GAS2L3: variants seen among roughly 807,000 people sequenced by gnomAD.
The protein encoded by GAS2L3 is growth arrest specific 2 like 3.
A neutral mutation model predicts 37.0 loss-of-function variants in GAS2L3; 28 were observed. The ratio of observed to expected loss-of-function variants is 0.76; its 90% CI spans 0.56 to 1.04. GAS2L3 has a LOEUF of 1.04. GAS2L3 is among the 50% of genes least tolerant of loss of function. The pLI is 0.00. For synonymous variants in GAS2L3, 290 were observed against 296.6 expected (o/e 0.98, Z 0.23); for missense variants, 793 against 817.6 (o/e 0.97, Z 0.37).
At chr12:100,576,245 T>C (rs1251845607) in intron 1 of GAS2L3, among the ~76,000 whole-genome samples, 1 of 152,194 alleles carries the variant, frequency 6.6e-6, no homozygotes, top group East Asian at 1.9e-4. Flanking sequence ...ATGTTTTTAC[T>C]AAGCTACTCT....
chr12:100,620,218 G>A (rs1011686193), intron 8 of GAS2L3, among the ~76,000 whole-genome samples: 1 of 151,910 alleles, frequency 6.6e-6, no homozygotes, highest in Admixed American at 6.6e-5. Context: ...GGCAAATTAG[G>A]ATTCATAATC....
Position 100,622,293 on chromosome 12 carries a change from G to A in GAS2L3, c.667G>A (p.Asp223Asn), listed in dbSNP as rs117065230. 2,143 of 1,592,898 alleles carry A rather than the reference G, an allele frequency of 1.3e-3. 10 individuals carry two copies. The highest frequency in any genetic ancestry group is 1.3e-3 in the Non-Finnish European group (1,542 of 1,162,570). ...LHEAVKHIAE[D>N]PPCSCSHRFS... is the part of the protein sequence containing the mutation. ...ATCTTAGGTTAAACATATTGCTGAG[G>A]ACCCTCCTTGTAGTTGTTCTCATCG... The change falls in exon 9 of 10, where the codon GAC (aspartate) becomes AAC (asparagine). Residue 223 changes from aspartate to asparagine, a missense_variant. Physicochemically the swap from Asp to Asn is conservative, Grantham distance 23. Coordinates refer to ENST00000547754, the MANE Select transcript of GAS2L3 (RefSeq NM_174942.3).
chr12:100,608,581 G>A (rs1956086621), intron 5 of GAS2L3, among the ~76,000 whole-genome samples: 1 of 152,086 alleles, frequency 6.6e-6, no homozygotes, highest in Non-Finnish European at 1.5e-5. Context: ...GAGTGCAGTG[G>A]CACAATCTCA....
At chr12:100,597,137 T>C (rs886362961) in intron 3 of GAS2L3, among the ~76,000 whole-genome samples, 4 of 152,034 alleles carry the variant, frequency 2.6e-5, no homozygotes, top group Non-Finnish European at 2.9e-5. Flanking sequence ...TTTTCATACA[T>C]GATTTTAAAA....
At position 100,617,935 on chromosome 12, in the gene GAS2L3, TTTTG is replaced by T. The variant is rs1565812329; in HGVS notation, c.509+132_509+135del. ...AATGAACTATTTTCCTGTTTTATCT[TTTTG>T]TTTCTTTATCAACTTCATTCTGTTT... On this transcript the variant is annotated intron_variant, in intron 7 of 9. Coordinates refer to ENST00000547754, the MANE Select transcript of GAS2L3 (RefSeq NM_174942.3). The T allele has an allele frequency of 6.6e-6, 4 of 610,522 alleles. No individual in the cohort carries two copies. In the South Asian group the frequency reaches 8.8e-5, roughly 13 times the overall value. 37.8% of individuals were successfully genotyped at this position (610,522 alleles called of 1,614,324 possible). A position where few individuals can be genotyped will look rare whatever the true frequency, so the allele number is the denominator to read the frequency against.
rs550935707 is a variant in GAS2L3 at position 100,618,452 on chromosome 12, C to T, written c.513C>T (p.Tyr171=). The T allele has an allele frequency of 1.7e-5, 28 of 1,602,966 alleles. No individual in the cohort carries two copies. The highest frequency in any genetic ancestry group is 8.1e-5 in the African/African-American group (6 of 74,244). ...LLEIGRIVSR[Y]GVEPPVLVKL... is the part of the protein sequence containing the mutation. ...AGATCTCCTGGTTGGTTTTCAGATACGGGGTTGAGCCACCAGTGTTAGTAA... is the reference window on the plus strand; with the variant it reads ...AGATCTCCTGGTTGGTTTTCAGATATGGGGTTGAGCCACCAGTGTTAGTAA... Residue 171 remains tyrosine, a synonymous_variant, in exon 8 of 10, where the codon TAC becomes TAT. Transcript: ENST00000547754.
Position 100,594,911 on chromosome 12 carries a change from C to T in GAS2L3, c.7C>T (p.Pro3Ser). ...CATTTCAATATAGGTGACTATGCAG[C>T]CTGCAATTCAAGTAAGTTTTTTTCT... MQ[P>S]AIQVWFGEDL... The change falls in exon 3 of 10, where the codon CCT becomes TCT. Residue 3 changes from proline to serine, a missense_variant. Physicochemically the swap from Pro to Ser is moderately conservative, Grantham distance 74. Coordinates refer to ENST00000547754, the MANE Select transcript of GAS2L3 (RefSeq NM_174942.3). 1 of 1,352,324 alleles carries T rather than the reference C, an allele frequency of 7.4e-7. No individual in the cohort carries two copies. The highest frequency in any genetic ancestry group is 1.5e-5 in the South Asian group (1 of 67,374). 83.8% of individuals were successfully genotyped at this position (1,352,324 alleles called of 1,614,324 possible). A position where few individuals can be genotyped will look rare whatever the true frequency, so the allele number is the denominator to read the frequency against.
intron 3 of GAS2L3, among the ~76,000 whole-genome samples, chr12:100,596,154 G>A (rs1030057702): frequency 1.3e-5 from 2 of 151,978 alleles, no homozygotes; most frequent in Non-Finnish European, 2.9e-5. Context: ...CTGTCTCCCA[G>A]AAGGTCTTAT....
chr12:100,590,228 C>A (rs1373914030), intron 1 of GAS2L3, among the ~76,000 whole-genome samples: 1 of 152,040 alleles, frequency 6.6e-6, no homozygotes, highest in Non-Finnish European at 1.5e-5. Context: ...AAGAAAAACC[C>A]AAACAATCTC....
At chr12:100,597,769 A>G (rs1955932743) in intron 3 of GAS2L3, among the ~76,000 whole-genome samples, 1 of 151,832 alleles carries the variant, frequency 6.6e-6, no homozygotes, top group Non-Finnish European at 1.5e-5. Context: ...AGTTTCCCCC[A>G]TTCCCCGCCA....
At chr12:100,622,149 G>A (rs1956262213) in intron 8 of GAS2L3, 126 bp from the exon 9 acceptor site, 2 of 521,602 alleles carry the variant, frequency 3.8e-6, no homozygotes, top group South Asian at 3.1e-5. Flanking sequence ...CAGGAGAAGC[G>A]ATTAAATTAT....
chr12:100,624,077 T>C lies in GAS2L3; in HGVS notation c.1272T>C (p.Thr424=). ...KNTSSPALPR[T]APCISESPRK... ...CTTCTTCACCAGCTTTACCAAGAAC[T>C]GCACCTTGTATATCTGAGTCACCGA... Residue 424 remains threonine, a synonymous_variant, in exon 10 of 10, where the codon ACT becomes ACC. Coordinates refer to ENST00000547754, the MANE Select transcript of GAS2L3 (RefSeq NM_174942.3). The C allele has an allele frequency of 2.5e-6, 4 of 1,614,070 alleles. No individual in the cohort carries two copies. Among genetic ancestry groups the C allele is most frequent in the Non-Finnish European group, 3.4e-6 (4 of 1,179,998 alleles).
At chr12:100,615,081 G>A (rs906145712) in intron 6 of GAS2L3, among the ~76,000 whole-genome samples, 4 of 152,090 alleles carry the variant, frequency 2.6e-5, no homozygotes, top group African/African-American at 9.7e-5. Flanking sequence ...ATCTTTTTGA[G>A]GAGCTGTTTT....
At chr12:100,616,939 T>C (rs1252490072) in intron 6 of GAS2L3, among the ~76,000 whole-genome samples, 1 of 152,152 alleles carries the variant, frequency 6.6e-6, no homozygotes, top group Admixed American at 6.5e-5. Context: ...TTAAGAATGA[T>C]AATGGTTGTG....
intron 1 of GAS2L3, among the ~76,000 whole-genome samples, chr12:100,577,318 A>G (rs1385677048): frequency 6.6e-6 from 1 of 152,180 alleles, no homozygotes; most frequent in Non-Finnish European, 1.5e-5. Flanking sequence ...GTGTTTATAT[A>G]TGTCCCCATA....
intron 1 of GAS2L3, among the ~76,000 whole-genome samples, chr12:100,588,200 A>G (rs9737922): frequency 0.28 from 43,175 of 152,028 alleles, 6,508 homozygotes; most frequent in African/African-American, 0.36. Flanking sequence ...TATTGGGGGA[A>G]CCCACCCCCA....
rs201028372 is a variant in GAS2L3, at chr12:100,624,101, G to A, written c.1296G>A (p.Pro432=). The change falls in exon 10 of 10, where the codon CCG becomes CCA. Residue 432 remains proline (P), a synonymous_variant. Coordinates refer to ENST00000547754, the MANE Select transcript of GAS2L3 (RefSeq NM_174942.3). ...CTGCACCTTGTATATCTGAGTCACC[G>A]AGAAAATGTATTTCATCCCCCAATA... ...PRTAPCISES[P]RKCISSPNTP... is the part of the protein sequence containing the mutation. 112 of 1,613,614 alleles carry A rather than the reference G, an allele frequency of 6.9e-5. No homozygotes were observed. The highest frequency in any genetic ancestry group is 1.6e-4 in the Middle Eastern group (1 of 6,084).
chr12:100,623,675 A>G lies in GAS2L3; in HGVS notation c.870A>G (p.Gln290=). ...TATTACAGTTTGCCACATTAGAACA[A>G]AAAATTTTAGCATTTCAAAAAGGAG... is the stretch of plus-strand genomic sequence containing the variant. ...CRILQFATLE[Q]KILAFQKGVS... is the part of the protein sequence containing the mutation. The change falls in exon 10 of 10, where the codon CAA becomes CAG. Residue 290 remains glutamine, a synonymous_variant. Transcript: ENST00000547754. The G allele has an allele frequency of 6.2e-7, 1 of 1,614,114 alleles. No homozygotes were observed.
intron 1 of GAS2L3, among the ~76,000 whole-genome samples, chr12:100,590,943 G>C (rs1955839081): frequency 6.6e-6 from 1 of 151,488 alleles, no homozygotes; most frequent in Non-Finnish European, 1.5e-5. Flanking sequence ...AAGAGTGGGA[G>C]GGGGGCAAGG....
Sources: allele counts gnomAD v4.1 joint callset (sites outside exome capture counted in the v4.1 genomes callset), GRCh38; gene constraint gnomAD v4.1.1; transcripts MANE v1.5; gene names NCBI Gene and HGNC (gene_info 2026-07-23, HGNC 2026-07-21).